The following LARGE1 variants were observed in gnomAD, a reference collection of about 807,000 sequenced individuals.
LARGE1 encodes LARGE xylosyl- and glucuronyltransferase 1.
LARGE1 carries 43 observed loss-of-function variants against 87.6 expected under a neutral mutation model. That is an observed-to-expected ratio of 0.49 (90% CI 0.38 to 0.63). The LOEUF is 0.63. Ranked by LOEUF, LARGE1 falls within the 30% of genes least tolerant of loss-of-function variation. LARGE1 has a pLI of 0.00. For synonymous variants in LARGE1, 434 were observed against 394.6 expected (o/e 1.10, Z -1.18); for missense variants, 802 against 1,000.2 (o/e 0.80, Z 2.67).
chr22:33,302,731 A>G (rs1934335369), intron 12 of LARGE1, among the ~76,000 whole-genome samples: 1 of 152,152 alleles, frequency 6.6e-6, no homozygotes, highest in South Asian at 2.1e-4. Context: ...GGTTTGCGAC[A>G]AACAGAAACC....
rs189553464 is a variant in LARGE1, at chr22:33,718,692, A to G, written c.106+42679T>C. Among the ~76,000 whole-genome samples the G allele has an allele frequency of 1.6e-4, 24 of 152,356 alleles. No individual in the cohort carries two copies. In the South Asian group the frequency reaches 4.8e-3, roughly 30 times the overall value. On this transcript the variant is annotated intron_variant, in intron 2 of 14. Coordinates refer to ENST00000397394, the MANE Select transcript of LARGE1 (RefSeq NM_133642.5). The stretch of plus-strand genomic sequence containing the variant: ...ATGCCCCTGAAGACCTCTCAGTGAA[A>G]TAAGTGGAGGTGGAAGACAGTGATA...
intron 1 of LARGE1, among the ~76,000 whole-genome samples, chr22:33,778,197 T>C (rs16993014): frequency 0.043 from 6,494 of 152,272 alleles, 456 homozygotes; most frequent in African/African-American, 0.15. Context: ...ACAGGGACTC[T>C]TGATTCCAAG....
At chr22:33,118,127 A>G in the LARGE1 span, among the ~76,000 whole-genome samples, 2 of 152,182 alleles carry the variant, frequency 1.3e-5, no homozygotes, top group East Asian at 3.9e-4. Context: ...CATCCAAACT[A>G]TATCCCAGCA....
chr22:33,433,159 G>C (rs922046353), intron 6 of LARGE1, among the ~76,000 whole-genome samples: 6 of 152,200 alleles, frequency 3.9e-5, no homozygotes, highest in Non-Finnish European at 8.8e-5. Context: ...AAGGACCAGT[G>C]ACTTGGACAG....
At chr22:33,488,733 G>C (rs2069694505) in intron 6 of LARGE1, among the ~76,000 whole-genome samples, 1 of 152,160 alleles carries the variant, frequency 6.6e-6, no homozygotes, top group Non-Finnish European at 1.5e-5. Context: ...TTAAGGAAGA[G>C]TTTCCCAAAA....
At chr22:33,529,511 T>C (rs1431827451) in intron 6 of LARGE1, among the ~76,000 whole-genome samples, 1 of 152,234 alleles carries the variant, frequency 6.6e-6, no homozygotes, top group Non-Finnish European at 1.5e-5. Flanking sequence ...TGCCTAGCTA[T>C]TAACCGGGTC....
intron 6 of LARGE1, among the ~76,000 whole-genome samples, chr22:33,517,560 G>A (rs535017103): frequency 3.0e-4 from 45 of 151,984 alleles, no homozygotes; most frequent in Admixed American, 2.9e-3. Context: ...ATTAGCACCC[G>A]CCCGGCTAAT....
intron 1 of LARGE1, among the ~76,000 whole-genome samples, chr22:33,837,259 C>T (rs73154509): frequency 0.1 from 3,264 of 31,692 alleles, 104 homozygotes; most frequent in African/African-American, 0.17. Flanking sequence ...ATTACATATA[C>T]ACACACACAC....
At chr22:33,869,527 G>A (rs569711350) in intron 1 of LARGE1, among the ~76,000 whole-genome samples, 7 of 152,278 alleles carry the variant, frequency 4.6e-5, no homozygotes, top group African/African-American at 7.2e-5. Flanking sequence ...GAGCCTCCTC[G>A]GGTCTGTGCA....
the LARGE1 span, among the ~76,000 whole-genome samples, chr22:33,084,642 G>A: frequency 5.3e-5 from 8 of 152,090 alleles, no homozygotes; most frequent in Non-Finnish European, 1.0e-4. Flanking sequence ...GCAACAGAGT[G>A]AGACCTGGTC....
At chr22:33,571,333 T>C (rs550264903) in intron 5 of LARGE1, among the ~76,000 whole-genome samples, 2 of 152,122 alleles carry the variant, frequency 1.3e-5, no homozygotes, top group African/African-American at 4.8e-5. Flanking sequence ...TATGAGGCGG[T>C]GTAAGTGATT....
chr22:33,550,160 C>CACACAT (rs1411643470), intron 6 of LARGE1, among the ~76,000 whole-genome samples: 11 of 147,124 alleles, frequency 7.5e-5, no homozygotes, highest in South Asian at 2.2e-4. Flanking sequence ...CACACACACA[C>CACACAT]ACACACACAC....
chr22:33,463,352 G>T (rs1206803734), intron 6 of LARGE1, among the ~76,000 whole-genome samples: 1 of 151,900 alleles, frequency 6.6e-6, no homozygotes, highest in East Asian at 1.9e-4. Flanking sequence ...CACATTACTA[G>T]AAGTACTCTT....
At chr22:33,833,385 T>C (rs1003009906) in intron 1 of LARGE1, among the ~76,000 whole-genome samples, 1 of 152,048 alleles carries the variant, frequency 6.6e-6, no homozygotes, top group African/African-American at 2.4e-5. Context: ...AATGTATGAG[T>C]GGGCCCTAAT....
intron 2 of LARGE1, among the ~76,000 whole-genome samples, chr22:33,704,191 G>T (rs1275757448): frequency 6.6e-6 from 1 of 152,158 alleles, no homozygotes; most frequent in Non-Finnish European, 1.5e-5. Context: ...GATGTATACT[G>T]TATAAAACAA....
intron 1 of LARGE1, among the ~76,000 whole-genome samples, chr22:33,903,763 T>G (rs2065353778): frequency 6.6e-6 from 1 of 152,130 alleles, no homozygotes; most frequent in Admixed American, 6.5e-5. Flanking sequence ...AGGAGGAGGT[T>G]GCAGTGAACC....
At chr22:33,262,469 T>C (rs1927686464) in intron 11 of LARGE1, among the ~76,000 whole-genome samples, 1 of 152,176 alleles carries the variant, frequency 6.6e-6, no homozygotes, top group South Asian at 2.1e-4. Context: ...TGCCTATCAG[T>C]GGCCCCAGAC....
chr22:33,594,758 C>G (rs1319159934), intron 5 of LARGE1, among the ~76,000 whole-genome samples: 1 of 152,326 alleles, frequency 6.6e-6, no homozygotes, highest in African/African-American at 2.4e-5. Context: ...AGGCACCCAC[C>G]ACCATGCCCG....
chr22:33,229,161 T>C (rs976224534), intron 11 of LARGE1, among the ~76,000 whole-genome samples: 2 of 152,220 alleles, frequency 1.3e-5, no homozygotes, highest in Non-Finnish European at 2.9e-5. Flanking sequence ...GAAATTAGTG[T>C]GACCACAAGG....
Sources: gnomAD v4.1 joint callset for allele counts (sites outside exome capture counted in the v4.1 genomes callset) on GRCh38, gnomAD v4.1.1 for gene constraint, MANE v1.5 for transcripts, NCBI Gene and HGNC (gene_info 2026-07-23, HGNC 2026-07-21) for gene names.